Variants in CTNNA2 observed in about 807,000 individuals in gnomAD.
The protein encoded by CTNNA2 is catenin alpha 2.
CTNNA2 carries 42 observed loss-of-function variants against 101.0 expected under a neutral mutation model. That is an observed-to-expected ratio of 0.42 (90% CI 0.32 to 0.54). CTNNA2 has a LOEUF of 0.54. Among genes scored for constraint, CTNNA2 ranks in the 20% least tolerant of loss-of-function variants. The probability of loss-of-function intolerance (pLI) is 0.14; values close to 1 mark genes in which losing one functional copy is unlikely to be tolerated. For missense variants in CTNNA2, 871 were observed against 1,223.1 expected, an observed-to-expected ratio of 0.71 and a Z score of 4.29; for synonymous variants, 450 against 456.4, an observed-to-expected ratio of 0.99 and a Z score of 0.18.
chr2:80,365,720 AACTT>A (rs1674865733), intron 7 of CTNNA2, among the ~76,000 whole-genome samples: 1 of 152,174 alleles, frequency 6.6e-6, no homozygotes, highest in Non-Finnish European at 1.5e-5. Flanking sequence ...ATAAGTGAAA[AACTT>A]ACACTTACCA....
intron 7 of CTNNA2, among the ~76,000 whole-genome samples, chr2:80,139,744 C>A (rs779531893): frequency 6.6e-6 from 1 of 152,156 alleles, no homozygotes; most frequent in Non-Finnish European, 1.5e-5. Flanking sequence ...ACAACAAGCA[C>A]ATTCAAAAAT....
chr2:79,737,920 A>G (rs1671014546), intron 2 of CTNNA2, among the ~76,000 whole-genome samples: 1 of 152,186 alleles, frequency 6.6e-6, no homozygotes, highest in Admixed American at 6.5e-5. Context: ...AGAAAGAAGT[A>G]TTTCATGCCT....
chr2:79,339,862 G>C (rs979887062), intron 3 of CTNNA2: 1 of 152,162 alleles, frequency 6.6e-6, no homozygotes, highest in African/African-American at 2.4e-5. Flanking sequence ...ACTCATACAA[G>C]GTGATTTTAC....
intron 7 of CTNNA2, among the ~76,000 whole-genome samples, chr2:80,321,684 A>G (rs902991025): frequency 2.6e-5 from 4 of 152,210 alleles, no homozygotes; most frequent in Non-Finnish European, 4.4e-5. Context: ...TGTATATGCT[A>G]CAACCAGTTA....
At chr2:80,424,363 G>T (rs1218018690) in intron 9 of CTNNA2, among the ~76,000 whole-genome samples, 1 of 152,228 alleles carries the variant, frequency 6.6e-6, no homozygotes, top group Non-Finnish European at 1.5e-5. Context: ...ACATGTTTAA[G>T]TGAACTATTA....
At chr2:79,620,961 G>A (rs1678959337) in intron 1 of CTNNA2, among the ~76,000 whole-genome samples, 2 of 152,106 alleles carry the variant, frequency 1.3e-5, no homozygotes, top group Non-Finnish European at 2.9e-5. Context: ...ACAAATCACT[G>A]GTCTGCAGGC....
intron 2 of CTNNA2, among the ~76,000 whole-genome samples, chr2:79,712,869 A>G (rs1190123810): frequency 6.6e-6 from 1 of 152,202 alleles, no homozygotes; most frequent in African/African-American, 2.4e-5. Flanking sequence ...GATCTAATGG[A>G]TAAATTAAGT....
At chr2:80,596,289 T>TGTTTG (rs1696960018) in intron 15 of CTNNA2, among the ~76,000 whole-genome samples, 4 of 35,594 alleles carry the variant, frequency 1.1e-4, no homozygotes, top group Non-Finnish European at 2.1e-4. Context: ...GTTTTTTTTT[T>TGTTTG]TTTTTTTTTT....
At chr2:80,516,258 T>C (rs900743174) in intron 9 of CTNNA2, among the ~76,000 whole-genome samples, 1 of 152,324 alleles carries the variant, frequency 6.6e-6, no homozygotes, top group South Asian at 2.1e-4. Context: ...TGGGTTTTTT[T>C]CTCAGGGCAG....
intron 18 of CTNNA2, among the ~76,000 whole-genome samples, chr2:80,637,997 A>AGT (rs1673059351): frequency 6.6e-6 from 1 of 152,158 alleles, no homozygotes; most frequent in Non-Finnish European, 1.5e-5. Context: ...GGGGTCATTT[A>AGT]GTGACTTTGA....
chr2:80,315,856 T>C (rs897017147), intron 7 of CTNNA2, among the ~76,000 whole-genome samples: 5 of 152,234 alleles, frequency 3.3e-5, no homozygotes, highest in African/African-American at 1.2e-4. Context: ...GCCATGTGAC[T>C]CTAACAGTAT....
At chr2:79,933,021 A>G (rs1224091717) in intron 7 of CTNNA2, among the ~76,000 whole-genome samples, 1 of 152,190 alleles carries the variant, frequency 6.6e-6, no homozygotes, top group Non-Finnish European at 1.5e-5. Flanking sequence ...TCTGTTGTCA[A>G]TATTTCTAGC....
intron 7 of CTNNA2, among the ~76,000 whole-genome samples, chr2:80,212,346 G>A (rs572665497): frequency 2.0e-5 from 3 of 152,082 alleles, no homozygotes; most frequent in Middle Eastern, 3.2e-3. Context: ...ATGATATTGG[G>A]TGTGGGTTTG....
intron 1 of CTNNA2, among the ~76,000 whole-genome samples, chr2:79,613,077 C>T (rs1678387441): frequency 6.6e-6 from 1 of 151,024 alleles, no homozygotes; most frequent in Non-Finnish European, 1.5e-5. Flanking sequence ...TTTCAGTAAG[C>T]AATTTTGGTA....
At chr2:79,437,014 A>G (rs562551872) in intron 4 of CTNNA2, among the ~76,000 whole-genome samples, 1 of 152,126 alleles carries the variant, frequency 6.6e-6, no homozygotes, top group South Asian at 2.1e-4. Flanking sequence ...TGGGCAGATC[A>G]CCTGAGGTCA....
intron 1 of CTNNA2, among the ~76,000 whole-genome samples, chr2:79,580,251 C>T (rs1263441948): frequency 6.6e-6 from 1 of 152,052 alleles, no homozygotes; most frequent in Non-Finnish European, 1.5e-5. Flanking sequence ...AGAACCTTTC[C>T]TTATTGTGGT....
chr2:79,761,013 A>G (rs527614097), intron 3 of CTNNA2, among the ~76,000 whole-genome samples: 78 of 152,358 alleles, frequency 5.1e-4, no homozygotes, highest in African/African-American at 1.8e-3. Context: ...CCAAATATTA[A>G]TGCCAGTCTC....
At position 80,629,706 on chromosome 2, in the gene CTNNA2, A is replaced by G. The variant is rs149193670; in HGVS notation, c.2574+10478A>G. 4.2e-3 allele frequency among the ~76,000 whole-genome samples: 632 copies of G among 152,204 alleles called. 7 individuals carry two copies. The highest frequency in any genetic ancestry group is 0.013 in the African/African-American group (528 of 41,534). ...TTCTTTACTATAGGGAGCTTGTTGT[A>G]GTTATCCACTGTAGGATGTTTAAGA... On this transcript the variant is annotated intron_variant, in intron 18 of 18. Transcript: ENST00000402739.
At chr2:79,887,703 A>G (rs1168697975) in intron 6 of CTNNA2, among the ~76,000 whole-genome samples, 1 of 152,152 alleles carries the variant, frequency 6.6e-6, no homozygotes, top group Non-Finnish European at 1.5e-5. Flanking sequence ...ACTTTTTGAT[A>G]CTTTTTTGAA....
Sources: allele counts gnomAD v4.1 joint callset (sites outside exome capture counted in the v4.1 genomes callset), GRCh38; gene constraint gnomAD v4.1.1; transcripts MANE v1.5; gene names NCBI Gene and HGNC (gene_info 2026-07-23, HGNC 2026-07-21).